BDH1: variants seen among roughly 807,000 people sequenced by gnomAD.
BDH1 encodes D-beta-hydroxybutyrate dehydrogenase, mitochondrial.
In BDH1, 30 loss-of-function variants were observed where a neutral mutation model predicts 33.1. The ratio of observed to expected loss-of-function variants is 0.91; its 90% CI spans 0.68 to 1.23. The LOEUF (loss-of-function observed/expected upper bound fraction) is 1.23, where lower values mean the gene tolerates loss of function less well. Ranked by LOEUF, BDH1 falls within the 50% of genes most tolerant of loss-of-function variation. The probability of loss-of-function intolerance (pLI) is 0.00; values close to 1 mark genes in which losing one functional copy is unlikely to be tolerated. For synonymous variants in BDH1, 190 were observed against 183.6 expected, an observed-to-expected ratio of 1.03 and a Z score of -0.28; for missense variants, 443 against 464.4, an observed-to-expected ratio of 0.95 and a Z score of 0.42.
rs1336870774 is a variant in BDH1 at position 197,563,557 on chromosome 3, A to G, written c.-44+9624T>C. Among the ~76,000 whole-genome samples, 4 of 152,242 alleles carry G rather than the reference A, an allele frequency of 2.6e-5. No homozygotes were observed. The East Asian group carries it at 7.7e-4, about 29-fold the overall frequency. On this transcript the variant is annotated intron_variant, in intron 1 of 6. Transcript: ENST00000358186. The stretch of plus-strand genomic sequence containing the variant: ...TCACAGTTTTCATAAATCATCTAAA[A>G]CAATTAAAATAATTAGGTGAATGTA...
intron 5 of BDH1, among the ~76,000 whole-genome samples, chr3:197,524,716 G>GT (rs2108729478): frequency 6.7e-6 from 1 of 149,028 alleles, no homozygotes; most frequent in East Asian, 2.0e-4. Context: ...GGGGTGGGGG[G>GT]TTGTTTGGAG....
At chr3:197,524,804 T>C (rs571917910) in intron 5 of BDH1, among the ~76,000 whole-genome samples, 1 of 152,152 alleles carries the variant, frequency 6.6e-6, no homozygotes, top group South Asian at 2.1e-4. Flanking sequence ...AATCCCGGCA[T>C]TGGACAGGAG....
intron 3 of BDH1, among the ~76,000 whole-genome samples, chr3:197,541,009 C>A (rs770681910): frequency 2.6e-5 from 4 of 152,192 alleles, no homozygotes; most frequent in Non-Finnish European, 5.9e-5. Flanking sequence ...GACTTCTCGG[C>A]CTTTCCTTCT....
At chr3:197,569,951 G>C (rs1345911684) in intron 1 of BDH1, among the ~76,000 whole-genome samples, 2 of 143,572 alleles carry the variant, frequency 1.4e-5, no homozygotes, top group African/African-American at 5.7e-5. Context: ...GGGCTCAGAA[G>C]AAGACAGGAA....
At position 197,546,336 on chromosome 3, in the gene BDH1, GC is replaced by G. The variant is rs760672265; in HGVS notation, c.83+24del. ...CCTGCTCAGAAAGTGTCCCCTCAAG[GC>G]CACCACCACCTCTGGTTGCTTACCT... is the stretch of plus-strand genomic sequence containing the variant. On this transcript the variant is annotated intron_variant, in intron 3 of 7. Coordinates refer to ENST00000392379, the MANE Select transcript of BDH1 (RefSeq NM_203314.3). The G allele has an allele frequency of 4.4e-5, 71 of 1,612,656 alleles. 3 individuals are homozygous for G. The South Asian group carries it at 6.9e-4, about 16-fold the overall frequency.
intron 1 of BDH1, among the ~76,000 whole-genome samples, chr3:197,571,933 A>G (rs1015559185): frequency 1.3e-5 from 2 of 152,192 alleles, no homozygotes; most frequent in Admixed American, 1.3e-4. Flanking sequence ...AGGTTGTGGC[A>G]GGCCAGGTCT....
chr3:197,544,850 C>A (rs894828764), intron 3 of BDH1, among the ~76,000 whole-genome samples: 1 of 152,222 alleles, frequency 6.6e-6, no homozygotes, highest in Non-Finnish European at 1.5e-5. Context: ...AGTTCAAGAC[C>A]AGCCTGGCCA....
In BDH1 at chr3:197,520,927, G is replaced by C. The variant is rs1431205041; in HGVS notation, c.409+1713C>G. ...CTGTGAATGGCCTGTTGGGAGGATG[G>C]GAGCGACAGTGGGCTGATGAGGTGG... On this transcript the variant is annotated intron_variant, in intron 6 of 7. Transcript: ENST00000392379. The surrounding 1 kb of genome is among the most constrained non-coding windows in gnomAD (Gnocchi z 6.0). Among the ~76,000 whole-genome samples the C allele has an allele frequency of 6.6e-6, 1 of 152,174 alleles. No individual in the cohort carries two copies. Among genetic ancestry groups the C allele is most frequent in the Non-Finnish European group, 1.5e-5 (1 of 68,028 alleles).
chr3:197,509,973 C>T lies in BDH1; in HGVS notation c.*1922G>A, dbSNP rs1163553511. ...GTTTCGGCCCTGCCTGCCTCCCCCC[C>T]TCCTCCTGGGGCAGCTGGGACAGGG... is the stretch of plus-strand genomic sequence containing the variant. On this transcript the variant is annotated 3_prime_UTR_variant, in exon 8 of 8. Transcript: ENST00000392379. The T allele has an allele frequency of 2.1e-5, 3 of 143,904 alleles. No individual in the cohort carries two copies. Among genetic ancestry groups the T allele is most frequent in the Non-Finnish European group, 4.4e-5 (3 of 67,852 alleles). 8.9% of individuals were successfully genotyped at this position (143,904 alleles called of 1,614,324 possible). A position where few individuals can be genotyped will look rare whatever the true frequency, so the allele number is the denominator to read the frequency against.
At chr3:197,548,196 G>C (rs1482041722) in intron 2 of BDH1, among the ~76,000 whole-genome samples, 2 of 152,214 alleles carry the variant, frequency 1.3e-5, no homozygotes, top group African/African-American at 4.8e-5. Flanking sequence ...TCCTTGCAGA[G>C]AGCAGCAGAA....
intron 2 of BDH1, among the ~76,000 whole-genome samples, chr3:197,551,688 C>T (rs1716583466): frequency 6.6e-6 from 1 of 152,130 alleles, no homozygotes; most frequent in South Asian, 2.1e-4. Context: ...ACATTCCCAC[C>T]AACAGCATAT....
Position 197,532,323 on chromosome 3 carries a change from G to C in BDH1, c.267+89C>G, listed in dbSNP as rs1015586490. 4 of 1,109,600 alleles carry C rather than the reference G, an allele frequency of 3.6e-6. No homozygotes were observed. The African/African-American group carries it at 6.2e-5, about 17-fold the overall frequency. The allele number at this position is 1,109,600 out of a possible 1,614,324, so 68.7% of individuals were successfully genotyped here. A position where few individuals can be genotyped will look rare whatever the true frequency, so the allele number is the denominator to read the frequency against. ...GACAGGCTGGTTTAAGCAAAGGTGA[G>C]CCAGTTGTTAGGAAAGCACTTTTTA... On this transcript the variant is annotated intron_variant, in intron 5 of 7. Transcript: ENST00000392379.
intron 1 of BDH1, among the ~76,000 whole-genome samples, chr3:197,569,956 C>T (rs939231453): frequency 7.0e-6 from 1 of 143,296 alleles, no homozygotes; most frequent in Non-Finnish European, 1.5e-5. Flanking sequence ...CAGAAGAAGA[C>T]AGGAAAAATG....
chr3:197,520,544 G>A lies in BDH1; in HGVS notation c.409+2096C>T, dbSNP rs899547744. On this transcript the variant is annotated intron_variant, in intron 6 of 7. Transcript: ENST00000392379. The surrounding 1 kb of genome is among the most constrained non-coding windows in gnomAD (Gnocchi z 6.0). Reference sequence around the variant, plus strand: ...AGTGATTCTGCCCCAGAGTCAGGGGGGCAGGGGACGAGGACCGCCAGCCTG... The same window carrying A: ...AGTGATTCTGCCCCAGAGTCAGGGGAGCAGGGGACGAGGACCGCCAGCCTG... Among the ~76,000 whole-genome samples, 1 of 152,086 alleles carries A rather than the reference G, an allele frequency of 6.6e-6. No individual in the cohort carries two copies. The highest frequency in any genetic ancestry group is 2.4e-5 in the African/African-American group (1 of 41,424).
At chr3:197,569,267 G>C (rs1175408239) in intron 1 of BDH1, among the ~76,000 whole-genome samples, 1 of 151,518 alleles carries the variant, frequency 6.6e-6, no homozygotes, top group Non-Finnish European at 1.5e-5. Flanking sequence ...CCTTTTTCTA[G>C]AGTTACAGGA....
Position 197,514,843 on chromosome 3 carries a change from T to C in BDH1, c.410-427A>G, listed in dbSNP as rs1712518449. On this transcript the variant is annotated intron_variant, in intron 6 of 7. Transcript: ENST00000392379. This position sits in a 1 kb window ranked among gnomAD's most constrained non-coding sequence, Gnocchi z 4.2. ...GCTTTTGCTCACGTCTTCTCTTCTC[T>C]TGCCAGAAGCCAGGGAAATCACAGG... Among the ~76,000 whole-genome samples the C allele has an allele frequency of 6.6e-6, 1 of 152,228 alleles. No individual in the cohort carries two copies. The highest frequency in any genetic ancestry group is 1.5e-5 in the Non-Finnish European group (1 of 68,040).
upstream of BDH1, among the ~76,000 whole-genome samples, chr3:197,559,880 A>G (rs1345393306): frequency 1.3e-5 from 2 of 152,180 alleles, no homozygotes; most frequent in Non-Finnish European, 2.9e-5. Context: ...AACTGGAGAA[A>G]CATTCGGCTG....
At chr3:197,517,189 C>A (rs1170427646) in intron 6 of BDH1, among the ~76,000 whole-genome samples, 1 of 152,034 alleles carries the variant, frequency 6.6e-6, no homozygotes, top group Non-Finnish European at 1.5e-5. Context: ...TCACCCCACC[C>A]CTCAGGCAGA....
At chr3:197,551,089 AT>A (rs1716529566) in intron 2 of BDH1, among the ~76,000 whole-genome samples, 1 of 152,158 alleles carries the variant, frequency 6.6e-6, no homozygotes, top group Admixed American at 6.5e-5. Context: ...TCTTTTAGTT[AT>A]TTTTATATGT....
Sources: allele counts gnomAD v4.1 joint callset (sites outside exome capture counted in the v4.1 genomes callset), GRCh38; gene constraint gnomAD v4.1.1; non-coding constraint Gnocchi (gnomAD v3.1); transcripts MANE v1.5; gene names NCBI Gene and HGNC (gene_info 2026-07-23, HGNC 2026-07-21).